Variants in MEGF10 observed in about 807,000 individuals in gnomAD.
MEGF10 encodes multiple EGF like domains 10.
MEGF10 carries 86 observed loss-of-function variants against 147.5 expected under a neutral mutation model. That is an observed-to-expected ratio of 0.58 (90% CI 0.49 to 0.70). The LOEUF (loss-of-function observed/expected upper bound fraction) is 0.70. MEGF10 is among the 30% of genes least tolerant of loss of function. The pLI, the probability that MEGF10 is intolerant of heterozygous loss-of-function variation, is 0.00. For missense variants in MEGF10, 1,329 were observed against 1,487.3 expected (o/e 0.89, Z 1.75); for synonymous variants, 478 against 525.5 (o/e 0.91, Z 1.24).
chr5:127,290,354 T>C (rs1759188840), upstream of MEGF10, among the ~76,000 whole-genome samples: 1 of 152,080 alleles, frequency 6.6e-6, no homozygotes, highest in Non-Finnish European at 1.5e-5. Flanking sequence ...CTGACACCAC[T>C]GAGGACCCGC....
rs748919606 is a variant in MEGF10 at position 127,331,367 on chromosome 5, T to C, written c.59T>C (p.Ile20Thr). 6.8e-6 allele frequency: 11 copies of C among 1,613,416 alleles called. No individual in the cohort carries two copies. Among genetic ancestry groups the C allele is most frequent in the Middle Eastern group, 1.6e-4 (1 of 6,078 alleles). The change falls in exon 2 of 25, where the codon ATT becomes ACT. Residue 20 changes from isoleucine to threonine, a missense_variant. By Grantham distance (89) the Ile-to-Thr change is moderately conservative. This residue lies in a region of MEGF10 where 980 missense variants were observed against 1,085.9 expected (regional missense o/e 0.90). Coordinates refer to ENST00000503335, the MANE Select transcript of MEGF10 (RefSeq NM_001256545.2). ...ATTTGTTTATTGTTATGCCACTGGA[T>C]TGGGACAGCATCACCTCTGAATCTT... is the stretch of plus-strand genomic sequence containing the variant. ...SFICLLLCHW[I>T]GTASPLNLED...
the MEGF10 span, among the ~76,000 whole-genome samples, chr5:127,239,301 T>C: frequency 1.3e-5 from 2 of 150,912 alleles, no homozygotes; most frequent in East Asian, 3.9e-4. Flanking sequence ...TTAGATAATG[T>C]TAAAGTTCCT....
intron 9 of MEGF10, 143 bp downstream of exon 9, chr5:127,410,744 G>C: frequency 1.4e-6 from 1 of 696,396 alleles, no homozygotes; most frequent in South Asian, 1.8e-5. Context: ...GAATCGCCGA[G>C]TAAAAGGAAG....
the MEGF10 span, among the ~76,000 whole-genome samples, chr5:127,285,734 A>T: frequency 1.3e-5 from 2 of 152,146 alleles, no homozygotes; most frequent in African/African-American, 4.8e-5. Flanking sequence ...AAGCAGTGAA[A>T]TAAGATGAAC....
intron 1 of MEGF10, among the ~76,000 whole-genome samples, chr5:127,305,970 T>A (rs1488113246): frequency 6.6e-6 from 1 of 152,138 alleles, no homozygotes; most frequent in African/African-American, 2.4e-5. Flanking sequence ...TGCTTATGTG[T>A]AGCTCTTTCC....
At chr5:127,452,288 T>A (rs1766182885) in intron 22 of MEGF10, among the ~76,000 whole-genome samples, 1 of 152,228 alleles carries the variant, frequency 6.6e-6, no homozygotes, top group South Asian at 2.1e-4. Flanking sequence ...CAGCTAAGAT[T>A]AAAATGGGCA....
chr5:127,390,994 C>T (rs1171073572), intron 5 of MEGF10, among the ~76,000 whole-genome samples: 1 of 152,130 alleles, frequency 6.6e-6, no homozygotes, highest in East Asian at 1.9e-4. Flanking sequence ...GGAACAGTGT[C>T]TGTGGGCATG....
intron 4 of MEGF10, among the ~76,000 whole-genome samples, chr5:127,357,692 T>C (rs1580757263): frequency 1.3e-5 from 2 of 151,936 alleles, no homozygotes; most frequent in South Asian, 2.1e-4. Context: ...AATCCCTTTA[T>C]TCTGTGTTCT....
At chr5:127,380,959 C>T (rs1195754149) in intron 5 of MEGF10, among the ~76,000 whole-genome samples, 1 of 151,992 alleles carries the variant, frequency 6.6e-6, no homozygotes. Context: ...AGTTCTTCAC[C>T]CTCAAGAGAG....
chr5:127,281,580 C>T, the MEGF10 span, among the ~76,000 whole-genome samples: 1 of 152,326 alleles, frequency 6.6e-6, no homozygotes, highest in Non-Finnish European at 1.5e-5. Context: ...TCTCCTGCTC[C>T]TCTGCTTCCC....
chr5:127,417,560 G>A (rs1000102143), intron 9 of MEGF10, 78 bp from the exon 10 acceptor site: 9 of 1,419,470 alleles, frequency 6.3e-6, no homozygotes, highest in Non-Finnish European at 7.9e-6. Context: ...AGTGATCATT[G>A]CTAAAGCAAC....
the MEGF10 span, among the ~76,000 whole-genome samples, chr5:127,278,942 T>A: frequency 6.6e-6 from 1 of 152,196 alleles, no homozygotes; most frequent in Non-Finnish European, 1.5e-5. Context: ...GTACTAGTAG[T>A]CATGAATTTA....
chr5:127,391,102 G>GCACACACACACA (rs70997334), intron 5 of MEGF10, among the ~76,000 whole-genome samples: 53 of 53,912 alleles, frequency 9.8e-4, no homozygotes, highest in South Asian at 1.2e-3. Context: ...GCGCGCGCGC[G>GCACACACACACA]CACACACACA....
At chr5:127,448,708 T>A (rs1766040825) in intron 21 of MEGF10, among the ~76,000 whole-genome samples, 1 of 152,160 alleles carries the variant, frequency 6.6e-6, no homozygotes, top group African/African-American at 2.4e-5. Context: ...ATCCTCATGT[T>A]TACGCCTAGG....
chr5:127,425,682 C>G (rs72790417), intron 13 of MEGF10, among the ~76,000 whole-genome samples: 4 of 151,764 alleles, frequency 2.6e-5, no homozygotes, highest in African/African-American at 4.8e-5. Flanking sequence ...ATTTCATTGT[C>G]TGCACTGGAC....
intron 4 of MEGF10, among the ~76,000 whole-genome samples, chr5:127,358,807 A>G (rs1228935121): frequency 6.6e-6 from 1 of 152,222 alleles, no homozygotes. Context: ...AGTTTATTCC[A>G]GTGCTGGTTA....
intron 8 of MEGF10, among the ~76,000 whole-genome samples, chr5:127,403,578 C>T (rs931018075): frequency 1.3e-5 from 2 of 152,168 alleles, no homozygotes; most frequent in Non-Finnish European, 2.9e-5. Context: ...ATCCCCATTT[C>T]CTCCACACCC....
the MEGF10 span, among the ~76,000 whole-genome samples, chr5:127,241,994 T>G: frequency 6.6e-6 from 1 of 152,120 alleles, no homozygotes; most frequent in Non-Finnish European, 1.5e-5. Context: ...TTATGGGAGA[T>G]GCTTCCACTT....
At chr5:127,416,258 G>C (rs1177066202) in intron 9 of MEGF10, among the ~76,000 whole-genome samples, 2 of 151,806 alleles carry the variant, frequency 1.3e-5, no homozygotes, top group Non-Finnish European at 2.9e-5. Flanking sequence ...TAGATCTCCT[G>C]ACCTCGTGAT....
Sources: allele counts gnomAD v4.1 joint callset (sites outside exome capture counted in the v4.1 genomes callset), GRCh38; gene constraint gnomAD v4.1.1; regional missense constraint gnomAD v4.1.1; transcripts MANE v1.5; gene names NCBI Gene and HGNC (gene_info 2026-07-23, HGNC 2026-07-21).